Variants in EBF2 observed in about 807,000 individuals in gnomAD.
EBF2 encodes the protein transcription factor COE2.
EBF2 carries 21 observed loss-of-function variants against 72.8 expected under a neutral mutation model. The observed-to-expected ratio is 0.29, with a 90% CI of 0.20 to 0.42. EBF2 has a LOEUF of 0.42. Ranked by LOEUF, EBF2 falls within the 10% of genes least tolerant of loss-of-function variation. The probability of loss-of-function intolerance (pLI) is 1.00; values close to 1 mark genes in which losing one functional copy is unlikely to be tolerated. For missense variants in EBF2, 637 were observed against 731.2 expected (o/e 0.87, Z 1.49); for synonymous variants, 299 against 274.2 (o/e 1.09, Z -0.89).
chr8:26,012,256 C>G, intron 6 of EBF2, among the ~76,000 whole-genome samples: 1 of 152,082 alleles, frequency 6.6e-6, no homozygotes, highest in East Asian at 1.9e-4. Flanking sequence ...TGGAAGGTTG[C>G]CTTTGCTTAG....
intron 7 of EBF2, among the ~76,000 whole-genome samples, chr8:25,890,616 AT>A (rs943207812): frequency 3.3e-5 from 5 of 152,208 alleles, no homozygotes; most frequent in African/African-American, 1.2e-4. Flanking sequence ...ATAAATAACA[AT>A]GTGTATCTCA....
intron 5 of EBF2, among the ~76,000 whole-genome samples, chr8:26,038,531 C>CT (rs1475549326): frequency 1.3e-5 from 2 of 152,082 alleles, no homozygotes; most frequent in African/African-American, 4.8e-5. Flanking sequence ...GTTTTCTTTC[C>CT]TTTTCAGGAG....
At chr8:25,982,513 C>T (rs1804378504) in intron 6 of EBF2, among the ~76,000 whole-genome samples, 1 of 152,194 alleles carries the variant, frequency 6.6e-6, no homozygotes, top group Non-Finnish European at 1.5e-5. Context: ...TCAGATCATT[C>T]CCAGGGGAAG....
At chr8:25,897,812 G>T (rs978703146) in intron 7 of EBF2, among the ~76,000 whole-genome samples, 1 of 152,168 alleles carries the variant, frequency 6.6e-6, no homozygotes, top group African/African-American at 2.4e-5. Context: ...GAATAATGCA[G>T]CAATGAACAT....
Position 26,040,689 on chromosome 8 carries a change from G to A in EBF2, c.353-18C>T. 1 of 1,553,718 alleles carries A rather than the reference G, an allele frequency of 6.4e-7. No homozygotes were observed. The highest frequency in any genetic ancestry group is 1.4e-5 in the African/African-American group (1 of 73,356). On this transcript the variant is annotated intron_variant, in intron 3 of 15. Transcript: ENST00000520164. ...GCGGACACCTGCGGGGACCGGAGGGGCACGAGTCAAGGGCCGTAGAGCCCC... is the reference window on the plus strand; with the variant it reads ...GCGGACACCTGCGGGGACCGGAGGGACACGAGTCAAGGGCCGTAGAGCCCC...
intron 6 of EBF2, among the ~76,000 whole-genome samples, chr8:26,001,265 C>T (rs1451794516): frequency 1.3e-5 from 2 of 149,950 alleles, no homozygotes; most frequent in Non-Finnish European, 3.0e-5. Context: ...CTCCTGCCTT[C>T]AAAAAAAAGT....
At chr8:26,039,552 C>T (rs976634953) in intron 5 of EBF2, among the ~76,000 whole-genome samples, 5 of 152,230 alleles carry the variant, frequency 3.3e-5, no homozygotes, top group Non-Finnish European at 1.5e-5. Context: ...ACAGCAGGTG[C>T]CTGGGTGCCA....
intron 6 of EBF2, among the ~76,000 whole-genome samples, chr8:26,005,080 T>G (rs1364504923): frequency 1.3e-5 from 2 of 148,360 alleles, no homozygotes; most frequent in Non-Finnish European, 3.0e-5. Flanking sequence ...ACAAGTACAA[T>G]GGCAAAAAAA....
intron 7 of EBF2, among the ~76,000 whole-genome samples, chr8:25,898,450 T>TAAA (rs112211291): frequency 0.052 from 7,537 of 144,448 alleles, 433 homozygotes; most frequent in African/African-American, 0.13. Flanking sequence ...CAGTGGCAAT[T>TAAA]AAAAAAAAAA....
At chr8:25,901,799 C>G (rs77206500) in intron 7 of EBF2, among the ~76,000 whole-genome samples, 5,084 of 152,324 alleles carry the variant, frequency 0.033, 120 homozygotes, top group Middle Eastern at 0.061. Flanking sequence ...GCAAGCACCA[C>G]AAACACAGCT....
chr8:25,993,169 A>C lies in EBF2; in HGVS notation c.551+39916T>G, dbSNP rs189952870. Among the ~76,000 whole-genome samples, 7 of 152,344 alleles carry C rather than the reference A, an allele frequency of 4.6e-5. No homozygotes were observed. In the East Asian group the frequency reaches 1.2e-3, roughly 25 times the overall value. Reference sequence around the variant, plus strand: ...TTCCACTAAGTGGTGGCCTCAAGCAAGTCAATGAAGTGCCCAGAACCTTAG... The same window carrying C: ...TTCCACTAAGTGGTGGCCTCAAGCACGTCAATGAAGTGCCCAGAACCTTAG... On this transcript the variant is annotated intron_variant, in intron 6 of 15. Transcript: ENST00000520164.
chr8:25,969,090 T>G (rs1187333160), intron 6 of EBF2, among the ~76,000 whole-genome samples: 12 of 152,186 alleles, frequency 7.9e-5, no homozygotes, highest in Non-Finnish European at 4.4e-5. Context: ...TGGAGATTAA[T>G]GGTAATTGAT....
chr8:25,979,425 G>A (rs1211876554), intron 6 of EBF2, among the ~76,000 whole-genome samples: 2 of 152,176 alleles, frequency 1.3e-5, no homozygotes, highest in African/African-American at 2.4e-5. Context: ...TGGCTGTGGC[G>A]TGCTGCGTAA....
intron 6 of EBF2, among the ~76,000 whole-genome samples, chr8:26,000,396 T>TG (rs1159843608): frequency 1.3e-5 from 2 of 152,170 alleles, no homozygotes; most frequent in Non-Finnish European, 1.5e-5. Flanking sequence ...ACATGGTCCC[T>TG]GTTGTCTCTG....
Position 26,034,458 on chromosome 8 carries a change from G to A in EBF2, c.483-1305C>T, listed in dbSNP as rs112977772. On this transcript the variant is annotated intron_variant, in intron 5 of 15. Transcript: ENST00000520164. ...AGGGAGATAAAGAAGATCCCCTGGG[G>A]CAATTACAACAAACAGAAAGTACTC... Among the ~76,000 whole-genome samples, 463 of 152,280 alleles carry A rather than the reference G, an allele frequency of 3.0e-3. 3 individuals carry two copies. Among genetic ancestry groups the A allele is most frequent in the African/African-American group, 0.01 (416 of 41,554 alleles).
At chr8:26,017,878 TC>T (rs1291299995) in intron 6 of EBF2, among the ~76,000 whole-genome samples, 2 of 152,192 alleles carry the variant, frequency 1.3e-5, no homozygotes, top group African/African-American at 4.8e-5. Context: ...TCAATGAGCA[TC>T]CTCCAAGGAC....
At chr8:25,969,091 G>C (rs530913474) in intron 6 of EBF2, among the ~76,000 whole-genome samples, 1 of 152,138 alleles carries the variant, frequency 6.6e-6, no homozygotes, top group African/African-American at 2.4e-5. Context: ...GGAGATTAAT[G>C]GTAATTGATC....
At chr8:25,977,744 G>A (rs1466103574) in intron 6 of EBF2, among the ~76,000 whole-genome samples, 1 of 152,124 alleles carries the variant, frequency 6.6e-6, no homozygotes, top group African/African-American at 2.4e-5. Context: ...ATGTACAAAT[G>A]CTATTGGCTG....
intron 6 of EBF2, among the ~76,000 whole-genome samples, chr8:25,968,916 T>C (rs1804152014): frequency 6.6e-6 from 1 of 151,434 alleles, no homozygotes; most frequent in Non-Finnish European, 1.5e-5. Context: ...GGCTGCACAA[T>C]AATGTACTTA....
Sources: allele counts gnomAD v4.1 joint callset (sites outside exome capture counted in the v4.1 genomes callset), GRCh38; gene constraint gnomAD v4.1.1; transcripts MANE v1.5; gene names NCBI Gene and HGNC (gene_info 2026-07-23, HGNC 2026-07-21).